Variants in CLSTN2 observed in about 807,000 individuals in gnomAD.
The protein encoded by CLSTN2 is calsyntenin-2.
Under a neutral mutation model 101.2 loss-of-function variants are expected in CLSTN2, and 48 were observed. That is an observed-to-expected ratio of 0.47 (90% CI 0.38 to 0.60). The LOEUF (loss-of-function observed/expected upper bound fraction) is 0.60, where lower values mean the gene tolerates loss of function less well. Ranked by LOEUF, CLSTN2 falls within the 20% of genes least tolerant of loss-of-function variation. The pLI, the probability that CLSTN2 is intolerant of heterozygous loss-of-function variation, is 0.00. For synonymous variants in CLSTN2, 481 were observed against 463.6 expected, an observed-to-expected ratio of 1.04 and a Z score of -0.48; for missense variants, 1,160 against 1,238.2, an observed-to-expected ratio of 0.94 and a Z score of 0.95.
At chr3:140,314,609 A>G (rs2087210776) in intron 2 of CLSTN2, among the ~76,000 whole-genome samples, 1 of 152,138 alleles carries the variant, frequency 6.6e-6, no homozygotes, top group African/African-American at 2.4e-5. Context: ...CACTTTTAAA[A>G]CATAAAACAA....
At chr3:140,460,346 G>A (rs1191996088) in intron 7 of CLSTN2, 2 of 156,852 alleles carry the variant, frequency 1.3e-5, no homozygotes, top group Non-Finnish European at 2.8e-5. Context: ...GGTAACTTTG[G>A]CAAGTTGTTT....
intron 2 of CLSTN2, among the ~76,000 whole-genome samples, chr3:140,323,230 G>C (rs2087301114): frequency 1.3e-5 from 2 of 152,142 alleles, no homozygotes; most frequent in Admixed American, 6.5e-5. Context: ...ACTGGAGTAG[G>C]GGGCTTTACG....
In CLSTN2 at chr3:139,981,491, C is replaced by A. The variant is rs377657202; in HGVS notation, c.109+46008C>A. On this transcript the variant is annotated intron_variant, in intron 1 of 16. Transcript: ENST00000458420. ...AGATGGCTATGCCAAGTTTCCATTA[C>A]TTCAACTTTCTTCTTCAACAAATGG... Among the ~76,000 whole-genome samples the A allele has an allele frequency of 1.6e-4, 25 of 152,306 alleles. No individual in the cohort carries two copies. The South Asian group carries it at 4.8e-3, about 29-fold the overall frequency.
At chr3:140,100,493 A>T (rs1458858106) in intron 1 of CLSTN2, among the ~76,000 whole-genome samples, 1 of 152,262 alleles carries the variant, frequency 6.6e-6, no homozygotes, top group Non-Finnish European at 1.5e-5. Context: ...TTAAACTCAA[A>T]AGATACAAGG....
intron 1 of CLSTN2, among the ~76,000 whole-genome samples, chr3:139,968,108 C>G (rs1014703611): frequency 2.6e-5 from 4 of 152,110 alleles, no homozygotes; most frequent in African/African-American, 9.7e-5. Flanking sequence ...TAAGACTCTC[C>G]TTTTGGACGG....
At chr3:140,246,019 A>T (rs1032753305) in intron 2 of CLSTN2, among the ~76,000 whole-genome samples, 3 of 152,190 alleles carry the variant, frequency 2.0e-5, no homozygotes, top group African/African-American at 7.2e-5. Context: ...GCACTCAATA[A>T]ACTGTGAATC....
intron 1 of CLSTN2, among the ~76,000 whole-genome samples, chr3:140,102,119 TGCTG>T (rs2008977224): frequency 6.6e-6 from 1 of 152,232 alleles, no homozygotes; most frequent in Non-Finnish European, 1.5e-5. Context: ...ATACAGAGGT[TGCTG>T]GCTGGCAAAT....
intron 1 of CLSTN2, among the ~76,000 whole-genome samples, chr3:139,940,841 T>C (rs1030108340): frequency 6.6e-6 from 1 of 152,060 alleles, no homozygotes; most frequent in Non-Finnish European, 1.5e-5. Flanking sequence ...AGAGTAAAGG[T>C]CAGCAATATT....
chr3:140,008,913 C>T (rs941677805), intron 1 of CLSTN2, among the ~76,000 whole-genome samples: 5 of 152,172 alleles, frequency 3.3e-5, no homozygotes, highest in Admixed American at 3.3e-4. Context: ...ATCCAAATAG[C>T]ATTTGTTTTG....
Position 140,574,617 on chromosome 3 carries a change from C to G in CLSTN2, c.*8364C>G, listed in dbSNP as rs1164917910. The G allele has an allele frequency of 6.6e-6, 1 of 152,224 alleles. No individual in the cohort carries two copies. Among genetic ancestry groups the G allele is most frequent in the Non-Finnish European group, 1.5e-5 (1 of 68,046 alleles). 9.4% of individuals were successfully genotyped at this position (152,224 alleles called of 1,614,324 possible). A position where few individuals can be genotyped will look rare whatever the true frequency, so the allele number is the denominator to read the frequency against. On this transcript the variant is annotated 3_prime_UTR_variant, in exon 17 of 17. Transcript: ENST00000458420. ...AAATGCAGACAGTGTGTATTAATCACAGACAACAGAAACGTGTTAGCTTTA... is the reference window on the plus strand; with the variant it reads ...AAATGCAGACAGTGTGTATTAATCAGAGACAACAGAAACGTGTTAGCTTTA...
intron 1 of CLSTN2, among the ~76,000 whole-genome samples, chr3:140,083,124 TGGC>T (rs1463400605): frequency 1.3e-5 from 2 of 152,222 alleles, no homozygotes; most frequent in Non-Finnish European, 2.9e-5. Flanking sequence ...TAAGAACTCA[TGGC>T]TTCTTGTATT....
Position 140,558,721 on chromosome 3 carries a change from C to T in CLSTN2, c.1905C>T (p.Ile635=), listed in dbSNP as rs1180605994. ...VMVLQAIEPR[I]TLRGTDHFWR... is the part of the protein sequence containing the mutation. ...TCCTCCAGGCCATCGAGCCCCGGAT[C>T]ACCCTCCGGGGCACAGACCACTTCT... Residue 635 remains isoleucine, a synonymous_variant, in exon 12 of 17, where the codon ATC becomes ATT. Coordinates refer to ENST00000458420, the MANE Select transcript of CLSTN2 (RefSeq NM_022131.3). The T allele has an allele frequency of 6.2e-7, 1 of 1,613,980 alleles. No homozygotes were observed. The highest frequency in any genetic ancestry group is 1.1e-5 in the South Asian group (1 of 91,054).
intron 1 of CLSTN2, among the ~76,000 whole-genome samples, chr3:140,175,655 C>T (rs2010311128): frequency 6.6e-6 from 1 of 152,130 alleles, no homozygotes; most frequent in African/African-American, 2.4e-5. Context: ...TCCAGACATA[C>T]AAATAATGGG....
chr3:140,488,428 A>G (rs1054809487), intron 8 of CLSTN2, among the ~76,000 whole-genome samples: 4 of 152,038 alleles, frequency 2.6e-5, no homozygotes, highest in African/African-American at 7.2e-5. Context: ...ATAAATATGA[A>G]CACCTCAGGA....
chr3:139,937,877 GGCTGCAAAGAGCTCTGTTT>G (rs1935056350), intron 1 of CLSTN2, among the ~76,000 whole-genome samples: 1 of 151,910 alleles, frequency 6.6e-6, no homozygotes, highest in African/African-American at 2.4e-5. Flanking sequence ...ACCACTGGGG[GGCTGCAAAGAGCTCTGTTT>G]GCTGCTGATT....
chr3:140,434,184 C>T (rs2088665263), intron 5 of CLSTN2, among the ~76,000 whole-genome samples: 1 of 152,202 alleles, frequency 6.6e-6, no homozygotes, highest in Admixed American at 6.5e-5. Context: ...GTGCCCCCTT[C>T]TCCCCACATC....
At chr3:140,475,890 T>A (rs1341601800) in intron 8 of CLSTN2, among the ~76,000 whole-genome samples, 1 of 152,234 alleles carries the variant, frequency 6.6e-6, no homozygotes, top group East Asian at 1.9e-4. Context: ...TTAAAAAGAA[T>A]ATTGTTTTAC....
rs2088572479 is a variant in CLSTN2, at chr3:140,427,038, TGGTGGTGC to T, written c.787+5765_787+5772del. 1.3e-5 allele frequency among the ~76,000 whole-genome samples: 2 copies of T among 150,558 alleles called. 1 individual carries two copies. The highest frequency in any genetic ancestry group is 5.0e-5 in the African/African-American group (2 of 40,362). On this transcript the variant is annotated intron_variant, in intron 5 of 16. Transcript: ENST00000458420. ...GAAAACACAAAATATTAGCCAGGCATGGTGGTGCATGCCTGCAATCCCAGCTACTTGGG... is the reference window on the plus strand; with the variant it reads ...GAAAACACAAAATATTAGCCAGGCATATGCCTGCAATCCCAGCTACTTGGG...
chr3:140,475,199 C>T (rs935510977), intron 8 of CLSTN2, among the ~76,000 whole-genome samples: 1 of 152,060 alleles, frequency 6.6e-6, no homozygotes, highest in African/African-American at 2.4e-5. Flanking sequence ...TGTACCATGA[C>T]TAAAAGGAGG....
Sources: gnomAD v4.1 joint callset for allele counts (sites outside exome capture counted in the v4.1 genomes callset) on GRCh38, gnomAD v4.1.1 for gene constraint, MANE v1.5 for transcripts, NCBI Gene and HGNC (gene_info 2026-07-23, HGNC 2026-07-21) for gene names.